Variants in CCSER2 observed in about 807,000 individuals in gnomAD.
CCSER2 encodes serine-rich coiled-coil domain-containing protein 2.
Under a neutral mutation model 92.3 loss-of-function variants are expected in CCSER2, and 46 were observed. The ratio of observed to expected loss-of-function variants is 0.50; its 90% CI spans 0.39 to 0.64. CCSER2 has a LOEUF of 0.64. Ranked by LOEUF, CCSER2 falls within the 30% of genes least tolerant of loss-of-function variation. The pLI, the probability that CCSER2 is intolerant of heterozygous loss-of-function variation, is 0.00. For synonymous variants in CCSER2, 433 were observed against 431.4 expected, an observed-to-expected ratio of 1.00 and a Z score of -0.04; for missense variants, 1,244 against 1,238.9, an observed-to-expected ratio of 1.00 and a Z score of -0.06.
At chr10:84,436,735 CAT>C (rs1467896502) in intron 5 of CCSER2, among the ~76,000 whole-genome samples, 1 of 151,794 alleles carries the variant, frequency 6.6e-6, no homozygotes, top group Non-Finnish European at 1.5e-5. Flanking sequence ...TCTGTGGCAT[CAT>C]AAAATCAACA....
chr10:84,483,998 AT>A lies in CCSER2; in HGVS notation c.2325+6349del, dbSNP rs527241254. On this transcript the variant is annotated intron_variant, in intron 9 of 9. Coordinates refer to ENST00000372088, the MANE Select transcript of CCSER2 (RefSeq NM_001284240.2). ...ATATATATATATATATATATATATA[AT>A]TTTTTTTTTTTTTTGAGACGGAGTC... 2.3e-3 allele frequency among the ~76,000 whole-genome samples: 127 copies of A among 55,262 alleles called. 1 individual carries two copies. The highest frequency in any genetic ancestry group is 5.8e-3 in the African/African-American group (59 of 10,204). The allele number at this position is 55,262 out of a possible 152,430, so 36.3% of individuals were successfully genotyped here.
intron 6 of CCSER2, among the ~76,000 whole-genome samples, chr10:84,446,536 A>G (rs1407710696): frequency 6.6e-6 from 1 of 152,120 alleles, no homozygotes; most frequent in Non-Finnish European, 1.5e-5. Context: ...AGAACCAAAG[A>G]AGAGCCAGAG....
At chr10:84,454,974 G>T (rs545215897) in intron 6 of CCSER2, 1 of 152,318 alleles carries the variant, frequency 6.6e-6, no homozygotes, top group East Asian at 1.9e-4. Context: ...TTTTTCCCAT[G>T]CTGTTCTCAT....
intron 5 of CCSER2, among the ~76,000 whole-genome samples, chr10:84,429,811 G>A (rs1015633513): frequency 3.3e-5 from 5 of 149,950 alleles, no homozygotes; most frequent in African/African-American, 9.9e-5. Context: ...TCCCCACTTC[G>A]CTCTGGCCAC....
At chr10:84,483,985 ATATATATATATAATT>A (rs1564711647) in intron 9 of CCSER2, among the ~76,000 whole-genome samples, 1 of 47,148 alleles carries the variant, frequency 2.1e-5, no homozygotes, top group African/African-American at 6.8e-5. Context: ...ATATATATAT[ATATATATATATAATT>A]TTTTTTTTTT....
intron 6 of CCSER2, among the ~76,000 whole-genome samples, chr10:84,461,265 T>C (rs1846084807): frequency 6.6e-6 from 1 of 152,218 alleles, no homozygotes; most frequent in South Asian, 2.1e-4. Flanking sequence ...AATTCTCTTA[T>C]ATTCAGAGAG....
chr10:84,361,121 C>T (rs1043240884), intron 1 of CCSER2, among the ~76,000 whole-genome samples: 2 of 152,156 alleles, frequency 1.3e-5, no homozygotes, highest in Non-Finnish European at 2.9e-5. Flanking sequence ...ATGCCTGTGC[C>T]GTTAAGAGGG....
chr10:84,511,125 T>C (rs2131879846), intron 9 of CCSER2, among the ~76,000 whole-genome samples: 1 of 152,372 alleles, frequency 6.6e-6, no homozygotes, highest in African/African-American at 2.4e-5. Flanking sequence ...AGTTTAGACA[T>C]TTATTTATAA....
At chr10:84,481,359 GT>G (rs1295627434) in intron 9 of CCSER2, among the ~76,000 whole-genome samples, 2 of 151,586 alleles carry the variant, frequency 1.3e-5, no homozygotes, top group Admixed American at 6.6e-5. Flanking sequence ...CAGCTTTTGT[GT>G]ATATCAATAC....
chr10:84,404,497 A>T (rs1418591483), intron 3 of CCSER2, among the ~76,000 whole-genome samples: 2 of 152,202 alleles, frequency 1.3e-5, no homozygotes, highest in African/African-American at 4.8e-5. Flanking sequence ...TATGGAGCTC[A>T]AGCTGCTTGA....
chr10:84,367,761 G>A (rs1486284362), intron 1 of CCSER2, among the ~76,000 whole-genome samples: 14 of 146,260 alleles, frequency 9.6e-5, no homozygotes, highest in African/African-American at 3.3e-4. Flanking sequence ...TTTCCTTAAC[G>A]CTGAAGCCTT....
At chr10:84,376,378 G>A (rs1344179853) in intron 3 of CCSER2, among the ~76,000 whole-genome samples, 1 of 152,042 alleles carries the variant, frequency 6.6e-6, no homozygotes, top group African/African-American at 2.4e-5. Flanking sequence ...TTCCCTTTCT[G>A]TTCCTTTCAG....
Position 84,347,561 on chromosome 10 carries a change from A to G in CCSER2, c.-40+18753A>G, listed in dbSNP as rs1487308314. Among the ~76,000 whole-genome samples, 43 of 133,206 alleles carry G rather than the reference A, an allele frequency of 3.2e-4. 1 individual carries two copies. The highest frequency in any genetic ancestry group is 8.0e-5 in the Non-Finnish European group (5 of 62,518). The allele number at this position is 133,206 out of a possible 152,430, so 87.4% of individuals were successfully genotyped here. ...GCTGGCCGGGCGGGGGCTGCCTCCC[A>G]CCTCCCTCGCGGACGGGGCGGCTGG... On this transcript the variant is annotated intron_variant, in intron 1 of 9. Transcript: ENST00000372088.
intron 9 of CCSER2, among the ~76,000 whole-genome samples, chr10:84,484,966 T>C (rs964202692): frequency 6.6e-6 from 1 of 152,198 alleles, no homozygotes; most frequent in African/African-American, 2.4e-5. Flanking sequence ...GGTTTATTGG[T>C]TGTAAGTTTA....
At chr10:84,402,439 A>G (rs1265619811) in intron 3 of CCSER2, among the ~76,000 whole-genome samples, 1 of 152,222 alleles carries the variant, frequency 6.6e-6, no homozygotes, top group Non-Finnish European at 1.5e-5. Flanking sequence ...TGAAACCAAC[A>G]TGTAAAACAA....
chr10:84,514,073 C>G lies in CCSER2; in HGVS notation c.2950C>G (p.Pro984Ala), dbSNP rs186806128. ...QNLKASKLRPPSGSFKQKQTN... is the reference protein window; with the variant it reads ...QNLKASKLRPASGSFKQKQTN... ...TCTGAAAGCATCTAAGCTCCGCCCC[C>G]CCTCAGGCTCTTTCAAACAAAAACA... The change falls in exon 10 of 10, where the codon CCC (proline) becomes GCC (alanine). Residue 984 changes from proline (P) to alanine (A), a missense_variant. Pro to Ala is a conservative substitution (Grantham distance 27, BLOSUM62 -1). Coordinates refer to ENST00000372088, the MANE Select transcript of CCSER2 (RefSeq NM_001284240.2). The G allele has an allele frequency of 2.9e-4, 447 of 1,536,234 alleles. 2 individuals are homozygous for G. Among genetic ancestry groups the G allele is most frequent in the East Asian group, 9.5e-4 (39 of 40,908 alleles).
intron 9 of CCSER2, among the ~76,000 whole-genome samples, chr10:84,483,993 A>ATG (rs1564711721): frequency 5.4e-5 from 2 of 36,872 alleles, no homozygotes; most frequent in Non-Finnish European, 9.7e-5. Flanking sequence ...ATATATATAT[A>ATG]TATAATTTTT....
intron 1 of CCSER2, among the ~76,000 whole-genome samples, chr10:84,360,875 T>A (rs1266738450): frequency 6.6e-6 from 1 of 152,208 alleles, no homozygotes; most frequent in Non-Finnish European, 1.5e-5. Context: ...ACACATATTA[T>A]CATAATTACT....
intron 3 of CCSER2, among the ~76,000 whole-genome samples, chr10:84,407,244 A>G (rs182079141): frequency 1.6e-4 from 24 of 152,284 alleles, no homozygotes; most frequent in Admixed American, 1.4e-3. Context: ...TTTACATTCT[A>G]CCAGATTTGG....
Sources: allele counts gnomAD v4.1 joint callset (sites outside exome capture counted in the v4.1 genomes callset), GRCh38; gene constraint gnomAD v4.1.1; transcripts MANE v1.5; gene names NCBI Gene and HGNC (gene_info 2026-07-23, HGNC 2026-07-21).